The following GALNT18 variants were observed in gnomAD, a reference collection of about 807,000 sequenced individuals.
GALNT18 encodes polypeptide N-acetylgalactosaminyltransferase 18.
GALNT18 carries 44 observed loss-of-function variants against 69.5 expected under a neutral mutation model. The observed-to-expected ratio is 0.63, with a 90% CI of 0.50 to 0.81. GALNT18 has a LOEUF of 0.81. Ranked by LOEUF, GALNT18 falls within the 40% of genes least tolerant of loss-of-function variation. GALNT18 has a pLI of 0.00. For synonymous variants in GALNT18, 364 were observed against 318.2 expected (o/e 1.14, Z -1.53); for missense variants, 715 against 810.0 (o/e 0.88, Z 1.42).
chr11:11,564,094 C>T lies in GALNT18; in HGVS notation c.235+57265G>A, dbSNP rs148998599. Among the ~76,000 whole-genome samples, 150 of 152,280 alleles carry T rather than the reference C, an allele frequency of 9.9e-4. 1 individual carries two copies. The highest frequency in any genetic ancestry group is 3.2e-3 in the African/African-American group (134 of 41,540). Reference sequence around the variant, plus strand: ...ACTCTTACAAGAGCCCAGTGAGTTACGTACTGATCTTAACCCCATTTTACA... The same window carrying T: ...ACTCTTACAAGAGCCCAGTGAGTTATGTACTGATCTTAACCCCATTTTACA... On this transcript the variant is annotated intron_variant, in intron 1 of 10. Coordinates refer to ENST00000227756, the MANE Select transcript of GALNT18 (RefSeq NM_198516.3). The surrounding 1 kb of genome is among the most constrained non-coding windows in gnomAD (Gnocchi z 4.3).
At chr11:11,578,554 C>T (rs1221519042) in intron 1 of GALNT18, among the ~76,000 whole-genome samples, 1 of 152,228 alleles carries the variant, frequency 6.6e-6, no homozygotes, top group Non-Finnish European at 1.5e-5. Context: ...TTTATCCTTT[C>T]CTTCACCAGG....
In GALNT18 at chr11:11,617,329, A is replaced by C. The variant is rs1860078864; in HGVS notation, c.235+4030T>G. ...TTTGTCCTTTGAAAACAAGTCCGCT[A>C]TGACAAGGACCAAGAGTGCCCATAC... On this transcript the variant is annotated intron_variant, in intron 1 of 10. Coordinates refer to ENST00000227756, the MANE Select transcript of GALNT18 (RefSeq NM_198516.3). The surrounding 1 kb of genome is among the most constrained non-coding windows in gnomAD (Gnocchi z 4.7). 2.0e-5 allele frequency among the ~76,000 whole-genome samples: 3 copies of C among 152,372 alleles called. No individual in the cohort carries two copies. Among genetic ancestry groups the C allele is most frequent in the East Asian group, 3.9e-4 (2 of 5,184 alleles).
At chr11:11,572,039 G>C (rs989012693) in intron 1 of GALNT18, among the ~76,000 whole-genome samples, 5 of 152,248 alleles carry the variant, frequency 3.3e-5, no homozygotes, top group African/African-American at 1.2e-4. Context: ...CCACTGAAGA[G>C]CATGATTCAG....
chr11:11,514,680 C>A (rs1349935417), intron 1 of GALNT18, among the ~76,000 whole-genome samples: 1 of 152,154 alleles, frequency 6.6e-6, no homozygotes, highest in African/African-American at 2.4e-5. Flanking sequence ...TGCCAGCTGA[C>A]CTGTGCTCCC....
In GALNT18 at chr11:11,377,237, A is replaced by G; in HGVS notation, c.922T>C (p.Tyr308His). ...QGFDWELWCR[Y>H]LNPPKAWWKL... ...CACCAGGCCTTGGGGGGATTTAGGT[A>G]GCGGCACCACAGCTCCCAGTCAAAG... The change falls in exon 5 of 11, where the codon TAC (tyrosine) becomes CAC (histidine). Residue 308 changes from tyrosine to histidine, a missense_variant. Physicochemically the swap from Tyr to His is moderately conservative, Grantham distance 83. Coordinates refer to ENST00000227756, the MANE Select transcript of GALNT18 (RefSeq NM_198516.3). This position sits in a 1 kb window ranked among gnomAD's most constrained non-coding sequence, Gnocchi z 4.6. The G allele has an allele frequency of 6.2e-7, 1 of 1,613,830 alleles. No individual in the cohort carries two copies. The highest frequency in any genetic ancestry group is 8.5e-7 in the Non-Finnish European group (1 of 1,180,010).
rs148400456 is a variant in GALNT18 at position 11,542,198 on chromosome 11, C to T, written c.235+79161G>A. Among the ~76,000 whole-genome samples the T allele has an allele frequency of 2.2e-4, 34 of 152,250 alleles. No individual in the cohort carries two copies. Among genetic ancestry groups the T allele is most frequent in the African/African-American group, 5.3e-4 (22 of 41,560 alleles). On this transcript the variant is annotated intron_variant, in intron 1 of 10. Coordinates refer to ENST00000227756, the MANE Select transcript of GALNT18 (RefSeq NM_198516.3). The surrounding 1 kb of genome is among the most constrained non-coding windows in gnomAD (Gnocchi z 4.3). ...AGACTTTGCCCAAAGGCTGTGGCTG[C>T]GTCTTAGAAAGCAAAGCAAAACAAA... is the stretch of plus-strand genomic sequence containing the variant.
intron 3 of GALNT18, among the ~76,000 whole-genome samples, chr11:11,384,645 A>G (rs1279796371): frequency 6.6e-6 from 1 of 152,152 alleles, no homozygotes; most frequent in Non-Finnish European, 1.5e-5. Context: ...GGGGCTCCAG[A>G]GAGTGCTCTT....
intron 1 of GALNT18, among the ~76,000 whole-genome samples, chr11:11,488,451 C>T (rs34058270): frequency 0.15 from 23,452 of 151,968 alleles, 2,317 homozygotes; most frequent in South Asian, 0.23. Flanking sequence ...CCAGGATAAC[C>T]TTCCCAACTC....
At chr11:11,437,957 G>A (rs1466051692) in intron 2 of GALNT18, among the ~76,000 whole-genome samples, 1 of 152,150 alleles carries the variant, frequency 6.6e-6, no homozygotes, top group Non-Finnish European at 1.5e-5. Flanking sequence ...GGATCTTCCT[G>A]GTCCTGCTTT....
In GALNT18 at chr11:11,601,596, A is replaced by G. The variant is rs979663464; in HGVS notation, c.235+19763T>C. Among the ~76,000 whole-genome samples, 2 of 152,146 alleles carry G rather than the reference A, an allele frequency of 1.3e-5. No individual in the cohort carries two copies. The highest frequency in any genetic ancestry group is 2.4e-5 in the African/African-American group (1 of 41,424). On this transcript the variant is annotated intron_variant, in intron 1 of 10. Transcript: ENST00000227756. This position sits in a 1 kb window ranked among gnomAD's most constrained non-coding sequence, Gnocchi z 4.0. ...TGCCTTTAGGCATAAATTGCTCCAC[A>G]GTCTGATCCAATTAAATTTGGGTTT...
At chr11:11,414,438 C>T (rs758244509) in intron 3 of GALNT18, among the ~76,000 whole-genome samples, 1 of 152,172 alleles carries the variant, frequency 6.6e-6, no homozygotes, top group Non-Finnish European at 1.5e-5. Flanking sequence ...GGCTCTGAGA[C>T]CATGTTACCT....
At chr11:11,552,365 T>C (rs998316600) in intron 1 of GALNT18, among the ~76,000 whole-genome samples, 1 of 152,386 alleles carries the variant, frequency 6.6e-6, no homozygotes, top group Admixed American at 6.5e-5. Flanking sequence ...TCACTCATCA[T>C]GTTGTATCAA....
intron 9 of GALNT18, among the ~76,000 whole-genome samples, chr11:11,298,194 C>G (rs1256433136): frequency 6.6e-6 from 1 of 152,194 alleles, no homozygotes; most frequent in Non-Finnish European, 1.5e-5. Flanking sequence ...AAGAAGCCAC[C>G]CCTCACATGT....
Position 11,410,992 on chromosome 11 carries a change from G to C in GALNT18, c.595+21629C>G, listed in dbSNP as rs150616463. On this transcript the variant is annotated intron_variant, in intron 3 of 10. Transcript: ENST00000227756. ...GGCTTGACTCTGTCAATGCCTCCTGGGTGCCACAGCCCTTGGCAGGTTCAT... is the reference window on the plus strand; with the variant it reads ...GGCTTGACTCTGTCAATGCCTCCTGCGTGCCACAGCCCTTGGCAGGTTCAT... Among the ~76,000 whole-genome samples the C allele has an allele frequency of 3.3e-5, 5 of 152,264 alleles. No homozygotes were observed. The East Asian group carries it at 9.7e-4, about 29-fold the overall frequency.
At chr11:11,365,478 G>A (rs961064244) in intron 6 of GALNT18, among the ~76,000 whole-genome samples, 4 of 152,162 alleles carry the variant, frequency 2.6e-5, no homozygotes, top group Non-Finnish European at 5.9e-5. Context: ...AGTCTTTATA[G>A]TAGAAAGATT....
intron 10 of GALNT18, among the ~76,000 whole-genome samples, chr11:11,288,231 T>A (rs1849229046): frequency 6.6e-6 from 1 of 152,122 alleles, no homozygotes. Context: ...TGACTCTAAG[T>A]CTTATCTCCT....
chr11:11,539,190 TC>T (rs1223008735), intron 1 of GALNT18, among the ~76,000 whole-genome samples: 2 of 152,138 alleles, frequency 1.3e-5, no homozygotes, highest in Non-Finnish European at 2.9e-5. Context: ...TATCCAAGGC[TC>T]CCTCTCAAGG....
chr11:11,430,185 C>G lies in GALNT18; in HGVS notation c.595+2436G>C, dbSNP rs540888992. Among the ~76,000 whole-genome samples the G allele has an allele frequency of 9.2e-5, 14 of 152,080 alleles. No individual in the cohort carries two copies. The highest frequency in any genetic ancestry group is 3.9e-4 in the East Asian group (2 of 5,180). The stretch of plus-strand genomic sequence containing the variant: ...TTTTTAAAACAGCGATGTCTAGAAC[C>G]CTCTTTGAACTCACTGAACCAGAAT... On this transcript the variant is annotated intron_variant, in intron 3 of 10. Transcript: ENST00000227756. This position sits in a 1 kb window ranked among gnomAD's most constrained non-coding sequence, Gnocchi z 4.9.
Position 11,483,937 on chromosome 11 carries a change from T to G in GALNT18, c.236-35001A>C, listed in dbSNP as rs143979377. Among the ~76,000 whole-genome samples the G allele has an allele frequency of 3.9e-3, 590 of 152,234 alleles. 9 individuals are homozygous for G. The highest frequency in any genetic ancestry group is 8.7e-3 in the East Asian group (45 of 5,160). On this transcript the variant is annotated intron_variant, in intron 1 of 10. Coordinates refer to ENST00000227756, the MANE Select transcript of GALNT18 (RefSeq NM_198516.3). ...AAGCCGTGAGCTGTGTGTGGGCAGA[T>G]GCAGACTGAAATGAAGGCCCCGAGC...
Sources: allele counts gnomAD v4.1 joint callset (sites outside exome capture counted in the v4.1 genomes callset), GRCh38; gene constraint gnomAD v4.1.1; non-coding constraint Gnocchi (gnomAD v3.1); transcripts MANE v1.5; gene names NCBI Gene and HGNC (gene_info 2026-07-23, HGNC 2026-07-21).